The following SIPA1L3 variants were observed in gnomAD, a reference collection of about 807,000 sequenced individuals.
The protein encoded by SIPA1L3 is signal induced proliferation associated 1 like 3.
SIPA1L3 carries 59 observed loss-of-function variants against 150.1 expected under a neutral mutation model. The observed-to-expected ratio is 0.39, with a 90% CI of 0.32 to 0.49. The LOEUF is 0.49. SIPA1L3 is among the 20% of genes least tolerant of loss of function. The probability of loss-of-function intolerance (pLI) is 0.86; values close to 1 mark genes in which losing one functional copy is unlikely to be tolerated. For synonymous variants in SIPA1L3, 1,070 were observed against 1,077.6 expected (o/e 0.99, Z 0.14); for missense variants, 2,211 against 2,489.5 (o/e 0.89, Z 2.38).
intron 1 of SIPA1L3, among the ~76,000 whole-genome samples, chr19:37,911,410 A>G (rs112659333): frequency 1.7e-4 from 26 of 152,210 alleles, no homozygotes; most frequent in African/African-American, 6.0e-4. Context: ...GATCTGGCTT[A>G]TCCTTTTCAA....
At chr19:37,948,901 G>A (rs1377494735) in intron 1 of SIPA1L3, among the ~76,000 whole-genome samples, 2 of 152,248 alleles carry the variant, frequency 1.3e-5, no homozygotes, top group Admixed American at 1.3e-4. Context: ...GACCACAGAT[G>A]CAAACCCCAA....
chr19:37,936,160 G>A (rs935571977), intron 1 of SIPA1L3, among the ~76,000 whole-genome samples: 4 of 152,126 alleles, frequency 2.6e-5, no homozygotes, highest in African/African-American at 9.7e-5. Context: ...TTTAGCAGAC[G>A]TCTGCTTGTG....
At chr19:38,189,556 G>A (rs1205313551) in intron 16 of SIPA1L3, among the ~76,000 whole-genome samples, 1 of 152,070 alleles carries the variant, frequency 6.6e-6, no homozygotes, top group Non-Finnish European at 1.5e-5. Context: ...ACCTGAGGTC[G>A]GGAGTTCAAG....
chr19:37,985,226 C>T (rs1238073278), intron 1 of SIPA1L3, among the ~76,000 whole-genome samples: 2 of 148,796 alleles, frequency 1.3e-5, no homozygotes, highest in African/African-American at 5.0e-5. Flanking sequence ...GTGTGGGTCT[C>T]TCTCTGGTTG....
intron 15 of SIPA1L3, among the ~76,000 whole-genome samples, chr19:38,181,637 A>G (rs960427075): frequency 2.6e-5 from 4 of 152,052 alleles, no homozygotes; most frequent in Non-Finnish European, 5.9e-5. Flanking sequence ...TGAGGTTAGG[A>G]GTTTGAGACC....
intron 15 of SIPA1L3, among the ~76,000 whole-genome samples, chr19:38,172,443 C>T (rs1170490873): frequency 6.6e-6 from 1 of 152,156 alleles, no homozygotes; most frequent in African/African-American, 2.4e-5. Flanking sequence ...GACAGACAGA[C>T]AGCCGAACCA....
chr19:38,014,817 C>T (rs1392655157), intron 1 of SIPA1L3, among the ~76,000 whole-genome samples: 1 of 151,918 alleles, frequency 6.6e-6, no homozygotes, highest in Non-Finnish European at 1.5e-5. Context: ...CTACAGGTGC[C>T]TGCCACCACG....
rs540265219 is a variant in SIPA1L3 at position 38,201,582 on chromosome 19, G to A, written c.4985-280G>A. Among the ~76,000 whole-genome samples, 15 of 152,324 alleles carry A rather than the reference G, an allele frequency of 9.8e-5. No individual in the cohort carries two copies. In the South Asian group the frequency reaches 1.9e-3, roughly 19 times the overall value. ...TCGGAATCCGGTCGGTTGCTAGCTC[G>A]CACTCTCATCTAACTGGCTTCTTCA... On this transcript the variant is annotated intron_variant, in intron 19 of 21. Coordinates refer to ENST00000222345, the MANE Select transcript of SIPA1L3 (RefSeq NM_015073.3).
chr19:38,111,944 C>A (rs1446458054), intron 8 of SIPA1L3, among the ~76,000 whole-genome samples: 1 of 151,612 alleles, frequency 6.6e-6, no homozygotes, highest in East Asian at 1.9e-4. Context: ...TGCACATGCA[C>A]ACACATACAT....
chr19:38,064,078 T>G (rs1458934767), intron 2 of SIPA1L3, among the ~76,000 whole-genome samples: 1 of 152,250 alleles, frequency 6.6e-6, no homozygotes, highest in Non-Finnish European at 1.5e-5. Context: ...GCCTGGCATT[T>G]GTGCCCATAC....
chr19:37,948,946 A>G (rs1427201551), intron 1 of SIPA1L3, among the ~76,000 whole-genome samples: 2 of 152,184 alleles, frequency 1.3e-5, no homozygotes, highest in Admixed American at 1.3e-4. Context: ...CCAGCAATTC[A>G]CAGATGCCAC....
chr19:37,920,842 C>T (rs1027019823), intron 1 of SIPA1L3, among the ~76,000 whole-genome samples: 2 of 152,234 alleles, frequency 1.3e-5, no homozygotes, highest in African/African-American at 4.8e-5. Flanking sequence ...CTCTGAGCAG[C>T]GAACACCGTG....
intron 1 of SIPA1L3, among the ~76,000 whole-genome samples, chr19:38,023,688 A>G (rs1408008106): frequency 2.0e-5 from 3 of 152,228 alleles, no homozygotes; most frequent in Non-Finnish European, 2.9e-5. Flanking sequence ...CGAAGCTTAC[A>G]GCAAAGGCTG....
chr19:38,188,218 C>T (rs1369878928), intron 16 of SIPA1L3, among the ~76,000 whole-genome samples: 1 of 151,708 alleles, frequency 6.6e-6, no homozygotes. Context: ...CAGGGTTTCA[C>T]TCTGTTGCCC....
intron 1 of SIPA1L3, among the ~76,000 whole-genome samples, chr19:37,981,422 CAA>C (rs774199467): frequency 1.3e-3 from 97 of 72,350 alleles, no homozygotes; most frequent in Admixed American, 1.2e-3. Context: ...GACCCTGTCT[CAA>C]AAAAAAAAAA....
chr19:37,926,908 C>T (rs951517107), intron 1 of SIPA1L3, among the ~76,000 whole-genome samples: 4 of 152,098 alleles, frequency 2.6e-5, no homozygotes, highest in African/African-American at 9.7e-5. Context: ...TCCTTTAAGC[C>T]TCCCGACAAC....
intron 15 of SIPA1L3, among the ~76,000 whole-genome samples, chr19:38,166,073 A>G (rs1972201872): frequency 6.6e-6 from 1 of 152,098 alleles, no homozygotes; most frequent in African/African-American, 2.4e-5. Flanking sequence ...GAGAATATGC[A>G]TTAAGTTCTC....
At chr19:38,132,147 G>A (rs1051056925) in intron 10 of SIPA1L3, among the ~76,000 whole-genome samples, 5 of 152,180 alleles carry the variant, frequency 3.3e-5, no homozygotes, top group Non-Finnish European at 4.4e-5. Flanking sequence ...GCTGAGGTGG[G>A]AAAATCACTT....
intron 4 of SIPA1L3, among the ~76,000 whole-genome samples, chr19:38,093,563 T>C (rs1326044340): frequency 1.3e-5 from 2 of 151,936 alleles, no homozygotes; most frequent in African/African-American, 2.4e-5. Flanking sequence ...TCCCAGGAGG[T>C]CAGAGCCCCA....
Sources: gnomAD v4.1 joint callset for allele counts (sites outside exome capture counted in the v4.1 genomes callset) on GRCh38, gnomAD v4.1.1 for gene constraint, MANE v1.5 for transcripts, NCBI Gene and HGNC (gene_info 2026-07-23, HGNC 2026-07-21) for gene names.